The following GALNT13 variants were observed in gnomAD, a reference collection of about 807,000 sequenced individuals.
The protein encoded by GALNT13 is UDP-GalNAc:polypeptide N-acetylgalactosaminyltransferase 13.
In GALNT13, 28 loss-of-function variants were observed where a neutral mutation model predicts 64.2. The observed-to-expected ratio is 0.44, with a 90% CI of 0.32 to 0.60. The LOEUF (loss-of-function observed/expected upper bound fraction) is 0.60. GALNT13 is among the 20% of genes least tolerant of loss of function. GALNT13 has a pLI of 0.05. For synonymous variants in GALNT13, 214 were observed against 224.6 expected, an observed-to-expected ratio of 0.95 and a Z score of 0.42; for missense variants, 577 against 669.8, an observed-to-expected ratio of 0.86 and a Z score of 1.53.
At chr2:153,783,596 G>A in the GALNT13 span, among the ~76,000 whole-genome samples, 5 of 152,062 alleles carry the variant, frequency 3.3e-5, no homozygotes, top group African/African-American at 1.2e-4. Context: ...AGCTTATAGG[G>A]TTTCGCTGTG....
At chr2:153,903,909 C>T (rs1688392849) in intron 2 of GALNT13, among the ~76,000 whole-genome samples, 2 of 151,944 alleles carry the variant, frequency 1.3e-5, no homozygotes, top group Non-Finnish European at 2.9e-5. Flanking sequence ...TTCTGCCTGC[C>T]AGCCATTACC....
the GALNT13 span, among the ~76,000 whole-genome samples, chr2:153,594,439 C>T: frequency 6.6e-6 from 1 of 152,082 alleles, no homozygotes; most frequent in Admixed American, 6.5e-5. Context: ...TGAGTTTCTT[C>T]CTAGTTCTGA....
At chr2:153,537,989 A>T in the GALNT13 span, among the ~76,000 whole-genome samples, 1 of 152,192 alleles carries the variant, frequency 6.6e-6, no homozygotes, top group African/African-American at 2.4e-5. Flanking sequence ...GTAGCTGAAA[A>T]TGTGGAAGCA....
chr2:153,612,279 G>A, the GALNT13 span, among the ~76,000 whole-genome samples: 1 of 152,116 alleles, frequency 6.6e-6, no homozygotes, highest in Non-Finnish European at 1.5e-5. Flanking sequence ...AGATGGTGTG[G>A]TGATTCCTCA....
chr2:154,283,495 C>A (rs1289757846), intron 8 of GALNT13, among the ~76,000 whole-genome samples: 1 of 150,452 alleles, frequency 6.6e-6, no homozygotes, highest in Non-Finnish European at 1.5e-5. Context: ...TCTTTAATTT[C>A]TGATTTTTTT....
the GALNT13 span, among the ~76,000 whole-genome samples, chr2:153,469,124 AAAG>A: frequency 6.6e-6 from 1 of 152,242 alleles, no homozygotes; most frequent in African/African-American, 2.4e-5. Flanking sequence ...ATGCCAAGAA[AAAG>A]AGGATATATT....
At chr2:154,311,761 G>T (rs1051936636) in intron 9 of GALNT13, among the ~76,000 whole-genome samples, 9 of 152,078 alleles carry the variant, frequency 5.9e-5, no homozygotes, top group Admixed American at 5.2e-4. Flanking sequence ...GGTACGCCCT[G>T]GGGGGGCCAG....
chr2:153,130,035 GC>G, the GALNT13 span, among the ~76,000 whole-genome samples: 1 of 152,148 alleles, frequency 6.6e-6, no homozygotes, highest in Non-Finnish European at 1.5e-5. Flanking sequence ...TGGGCCCACA[GC>G]CTTTGAGTCC....
intron 4 of GALNT13, among the ~76,000 whole-genome samples, chr2:154,163,279 C>A (rs577467244): frequency 8.8e-4 from 133 of 151,488 alleles, no homozygotes; most frequent in African/African-American, 3.2e-3. Context: ...ACACAAAAAA[C>A]CCTTCAAAAA....
At chr2:153,304,222 A>G in the GALNT13 span, among the ~76,000 whole-genome samples, 1 of 146,198 alleles carries the variant, frequency 6.8e-6, no homozygotes, top group Non-Finnish European at 1.5e-5. Flanking sequence ...AAGGGTCAAT[A>G]GAATGGGAAG....
At chr2:153,764,950 G>C in the GALNT13 span, among the ~76,000 whole-genome samples, 1 of 152,210 alleles carries the variant, frequency 6.6e-6, no homozygotes, top group African/African-American at 2.4e-5. Flanking sequence ...CTGGTGTTGG[G>C]CCTGCAGGTG....
chr2:153,479,162 C>A, the GALNT13 span, among the ~76,000 whole-genome samples: 1 of 152,170 alleles, frequency 6.6e-6, no homozygotes, highest in African/African-American at 2.4e-5. Context: ...GCCCCCCTGA[C>A]CTCTGGGCGA....
At chr2:153,332,398 T>G in the GALNT13 span, among the ~76,000 whole-genome samples, 2 of 152,194 alleles carry the variant, frequency 1.3e-5, no homozygotes, top group African/African-American at 4.8e-5. Flanking sequence ...TTTCAAAGAA[T>G]TTTTTGATTT....
chr2:154,135,869 C>G (rs772150157), intron 3 of GALNT13, among the ~76,000 whole-genome samples: 9 of 152,180 alleles, frequency 5.9e-5, no homozygotes, highest in Non-Finnish European at 1.3e-4. Context: ...AATAATTATC[C>G]TTGATAAACT....
chr2:153,831,294 G>A, the GALNT13 span, among the ~76,000 whole-genome samples: 1 of 152,180 alleles, frequency 6.6e-6, no homozygotes, highest in East Asian at 1.9e-4. Flanking sequence ...GCTCCTTAAT[G>A]CTGGAGGTAG....
intron 4 of GALNT13, among the ~76,000 whole-genome samples, chr2:154,201,685 C>T (rs948096521): frequency 3.3e-5 from 5 of 152,074 alleles, no homozygotes; most frequent in Non-Finnish European, 7.4e-5. Context: ...CAAAGGCTTC[C>T]TTTATCTTCA....
chr2:154,107,013 G>GT (rs1553478720), intron 3 of GALNT13, among the ~76,000 whole-genome samples: 1 of 150,814 alleles, frequency 6.6e-6, no homozygotes, highest in African/African-American at 2.4e-5. Context: ...CAGGACAGCT[G>GT]GTTTTTTTTG....
At chr2:154,241,682 CAA>C (rs1689496799) in intron 4 of GALNT13, among the ~76,000 whole-genome samples, 1 of 152,184 alleles carries the variant, frequency 6.6e-6, no homozygotes, top group South Asian at 2.1e-4. Flanking sequence ...TTTTTATTAA[CAA>C]ATGATAAAAT....
chr2:154,068,129 C>T (rs1464690125), intron 3 of GALNT13, among the ~76,000 whole-genome samples: 2 of 152,032 alleles, frequency 1.3e-5, no homozygotes, highest in African/African-American at 4.8e-5. Context: ...CATCACTGAT[C>T]ATCAGATAAA....
Sources: gnomAD v4.1 joint callset for allele counts (sites outside exome capture counted in the v4.1 genomes callset) on GRCh38, gnomAD v4.1.1 for gene constraint, MANE v1.5 for transcripts, NCBI Gene and HGNC (gene_info 2026-07-23, HGNC 2026-07-21) for gene names.